Variants in RPL18 observed in about 807,000 individuals in gnomAD.
The protein encoded by RPL18 is ribosomal protein L18.
In RPL18, 4 loss-of-function variants were observed where a neutral mutation model predicts 25.0. The observed-to-expected ratio is 0.16, with a 90% CI of 0.08 to 0.37. The LOEUF (loss-of-function observed/expected upper bound fraction) is 0.37. Ranked by LOEUF, RPL18 falls within the 10% of genes least tolerant of loss-of-function variation. The pLI, the probability that RPL18 is intolerant of heterozygous loss-of-function variation, is 1.00. For synonymous variants in RPL18, 129 were observed against 101.6 expected (o/e 1.27, Z -1.62); for missense variants, 179 against 267.9 (o/e 0.67, Z 2.32).
rs879908670 is a variant in RPL18 at position 48,617,936 on chromosome 19, C to T, written c.4-59G>A. On this transcript the variant is annotated intron_variant, in intron 1 of 6. Transcript: ENST00000549920. ...TACCCCCAACCATAGCCAATTATTA[C>T]TTATTTCTGAAACTGAGAGCTGGGA... The T allele has an allele frequency of 1.4e-5, 18 of 1,311,578 alleles. No homozygotes were observed. The South Asian group carries it at 1.8e-4, about 13-fold the overall frequency. The allele number at this position is 1,311,578 out of a possible 1,614,324, so 81.2% of individuals were successfully genotyped here. A position where few individuals can be genotyped will look rare whatever the true frequency, so the allele number is the denominator to read the frequency against.
In RPL18 at chr19:48,615,443, A is replaced by G; in HGVS notation, c.496T>C (p.Tyr166His). 3 of 1,612,706 alleles carry G rather than the reference A, an allele frequency of 1.9e-6. No homozygotes were observed. Among genetic ancestry groups the G allele is most frequent in the Non-Finnish European group, 2.5e-6 (3 of 1,179,330 alleles). ...PGTPHSHTKPYVRSKGRKFER... is the reference protein window; with the variant it reads ...PGTPHSHTKPHVRSKGRKFER... The stretch of plus-strand genomic sequence containing the variant: ...AACTTCCGGCCCTTGGAGCGGACGT[A>G]GGGTCTGTGGGGAGAGGAGGGAGTG... Residue 166 changes from tyrosine (Y) to histidine (H), a missense_variant, in exon 7 of 7, where the codon TAC (tyrosine) becomes CAC (histidine). Transcript: ENST00000549920.
rs919492322 is a variant in RPL18 at position 48,619,069 on chromosome 19, C to G, written c.3+72G>C. ...CCGCAGACCCCCTGCCGCCCTCCAGCGTGCCCCTAGCCCAAAACCACGGCG... is the reference window on the plus strand; with the variant it reads ...CCGCAGACCCCCTGCCGCCCTCCAGGGTGCCCCTAGCCCAAAACCACGGCG... On this transcript the variant is annotated intron_variant, in intron 1 of 6. Coordinates refer to ENST00000549920, the MANE Select transcript of RPL18 (RefSeq NM_000979.4). 4.5e-6 allele frequency: 7 copies of G among 1,539,170 alleles called. No individual in the cohort carries two copies. In the Admixed American group the frequency reaches 1.1e-4, roughly 25 times the overall value.
At chr19:48,615,700 G>T in intron 6 of RPL18, 177 bp downstream of exon 6, 1 of 675,514 alleles carries the variant, frequency 1.5e-6, no homozygotes. Flanking sequence ...TCAGGCCCTG[G>T]AAAACACAGC....
Position 48,616,401 on chromosome 19 carries a change from G to C in RPL18, c.298-199C>G, listed in dbSNP as rs910221578. ...CCACCACATCCCTGGTGTTATGCTA[G>C]AAACTACAGCAAGGAAGCTGGGCCA... On this transcript the variant is annotated intron_variant, in intron 4 of 6. Transcript: ENST00000549920. The C allele has an allele frequency of 7.4e-6, 5 of 677,932 alleles. No individual in the cohort carries two copies. The Admixed American group carries it at 8.1e-5, about 11-fold the overall frequency. The allele number at this position is 677,932 out of a possible 1,614,324, so 42.0% of individuals were successfully genotyped here. A position where few individuals can be genotyped will look rare whatever the true frequency, so the allele number is the denominator to read the frequency against.
chr19:48,618,434 G>A (rs1257601492), intron 1 of RPL18: 1 of 154,946 alleles, frequency 6.5e-6, no homozygotes. Flanking sequence ...AAAGTGCTAG[G>A]ATAACAAGCG....
chr19:48,616,532 G>C (rs960807323), intron 4 of RPL18, 194 bp downstream of exon 4: 4 of 706,320 alleles, frequency 5.7e-6, no homozygotes, highest in African/African-American at 3.5e-5. Context: ...GAAGAAGCTT[G>C]CCCAGGGGAC....
At position 48,615,495 on chromosome 19, in the gene RPL18, A is replaced by G. The variant is rs1974140668; in HGVS notation, c.492-48T>C. 2.2e-6 allele frequency: 3 copies of G among 1,392,188 alleles called. No individual in the cohort carries two copies. In the East Asian group the frequency reaches 6.9e-5, roughly 32 times the overall value. The allele number at this position is 1,392,188 out of a possible 1,614,324, so 86.2% of individuals were successfully genotyped here. On this transcript the variant is annotated intron_variant, in intron 6 of 6. Transcript: ENST00000549920. ...GAGGGGGGCCCTCTTAAAGGAGGCCATTGTGGAGTGGCACAGGAACACCAC... is the reference window on the plus strand; with the variant it reads ...GAGGGGGGCCCTCTTAAAGGAGGCCGTTGTGGAGTGGCACAGGAACACCAC...
chr19:48,619,158 C>G lies in RPL18; in HGVS notation c.-15G>C, dbSNP rs1424944187. On this transcript the variant is annotated 5_prime_UTR_variant, in exon 1 of 7. Coordinates refer to ENST00000549920, the MANE Select transcript of RPL18 (RefSeq NM_000979.4). ...GAGCTCACCATGATGGCGCCTCCTGCTCGGCCAGGTCCGGAAAGAGAGAAC... is the reference window on the plus strand; with the variant it reads ...GAGCTCACCATGATGGCGCCTCCTGGTCGGCCAGGTCCGGAAAGAGAGAAC... The G allele has an allele frequency of 3.8e-6, 6 of 1,571,504 alleles. No homozygotes were observed. The highest frequency in any genetic ancestry group is 4.3e-6 in the Non-Finnish European group (5 of 1,155,848).
chr19:48,616,540 G>C (rs1315990816), intron 4 of RPL18, 186 bp downstream of exon 4: 7 of 708,272 alleles, frequency 9.9e-6, no homozygotes, highest in Non-Finnish European at 1.8e-5. Flanking sequence ...TTGCCCAGGG[G>C]ACCCCACCAT....
At chr19:48,617,070 G>A in intron 3 of RPL18, 1 of 703,012 alleles carries the variant, frequency 1.4e-6, no homozygotes, top group South Asian at 1.5e-5. Flanking sequence ...TTATGACTTG[G>A]GGCAATCTCC....
At chr19:48,616,522 G>C in intron 4 of RPL18, 1 of 704,602 alleles carries the variant, frequency 1.4e-6, no homozygotes, top group Admixed American at 2.0e-5. Context: ...ACTTGCCCCA[G>C]AAGAAGCTTG....
At chr19:48,617,632 G>C in intron 2 of RPL18, 159 bp downstream of exon 2, 1 of 694,238 alleles carries the variant, frequency 1.4e-6, no homozygotes, top group Admixed American at 2.8e-5. Context: ...ACACAGCCTA[G>C]AGGCTGAAAA....
intron 4 of RPL18, 54 bp downstream of exon 4, chr19:48,616,672 C>CACAGT: frequency 8.1e-7 from 1 of 1,227,312 alleles, no homozygotes; most frequent in Non-Finnish European, 1.2e-6. Context: ...CACAGCACAG[C>CACAGT]ACAGCACAGT....
intron 1 of RPL18, 172 bp from the exon 2 acceptor site, chr19:48,618,049 G>A (rs1250918026): frequency 1.7e-6 from 1 of 572,780 alleles, no homozygotes; most frequent in Non-Finnish European, 3.1e-6. Flanking sequence ...CTGTAAAAAG[G>A]GGCTGTTTAC....
chr19:48,617,650 G>C, intron 2 of RPL18, 141 bp downstream of exon 2: 1 of 707,478 alleles, frequency 1.4e-6, no homozygotes, highest in Non-Finnish European at 2.4e-6. Flanking sequence ...AAATACAAAT[G>C]CAGGAGACCC....
chr19:48,618,002 C>G, intron 1 of RPL18, 125 bp from the exon 2 acceptor site: 1 of 689,880 alleles, frequency 1.4e-6, no homozygotes, highest in South Asian at 1.8e-5. Context: ...AATCCCAGGC[C>G]CACCACCAGG....
intron 4 of RPL18, chr19:48,616,487 T>C (rs1167026951): frequency 7.3e-6 from 5 of 688,916 alleles, no homozygotes; most frequent in Non-Finnish European, 1.1e-5. Context: ...TGTCTGGCTC[T>C]AGGGGCCAGC....
At chr19:48,617,012 A>G (rs1284935227) in intron 3 of RPL18, 188 bp from the exon 4 acceptor site, 1 of 701,662 alleles carries the variant, frequency 1.4e-6, no homozygotes, top group East Asian at 2.7e-5. Context: ...AAAAATGCAG[A>G]CTGTTCAATA....
In RPL18 at chr19:48,617,582, G is replaced by A. The variant is rs1007581984; in HGVS notation, c.91-159C>T. On this transcript the variant is annotated intron_variant, in intron 2 of 6. Coordinates refer to ENST00000549920, the MANE Select transcript of RPL18 (RefSeq NM_000979.4). ...AGAAAGCTGGCCCAGGTCCTTCCTGGCCAAGGACCTAGAAAATCCTGGCTC... is the reference window on the plus strand; with the variant it reads ...AGAAAGCTGGCCCAGGTCCTTCCTGACCAAGGACCTAGAAAATCCTGGCTC... 4.3e-6 allele frequency: 3 copies of A among 698,608 alleles called. No individual in the cohort carries two copies. The Admixed American group carries it at 8.3e-5, about 19-fold the overall frequency. 43.3% of individuals were successfully genotyped at this position (698,608 alleles called of 1,614,324 possible). A position where few individuals can be genotyped will look rare whatever the true frequency, so the allele number is the denominator to read the frequency against.
Sources: gnomAD v4.1 joint callset for allele counts on GRCh38, gnomAD v4.1.1 for gene constraint, MANE v1.5 for transcripts, NCBI Gene and HGNC (gene_info 2026-07-23, HGNC 2026-07-21) for gene names.